KAZN: variants seen among roughly 807,000 people sequenced by gnomAD.
KAZN encodes kazrin, periplakin interacting protein, also known as kazrin.
KAZN carries 40 observed loss-of-function variants against 87.4 expected under a neutral mutation model. The observed-to-expected ratio is 0.46, with a 90% confidence interval of 0.36 to 0.60. The LOEUF is 0.60. KAZN is among the 20% of genes least tolerant of loss of function. The pLI, the probability that KAZN is intolerant of heterozygous loss-of-function variation, is 0.00. For missense variants in KAZN, 898 were observed against 1,073.9 expected, an observed-to-expected ratio of 0.84 and a Z score of 2.29; for synonymous variants, 466 against 458.3, an observed-to-expected ratio of 1.02 and a Z score of -0.22.
chr1:14,647,598 C>A (rs1200303576), intron 1 of KAZN, among the ~76,000 whole-genome samples: 1 of 152,126 alleles, frequency 6.6e-6, no homozygotes, highest in Non-Finnish European at 1.5e-5. Context: ...GGTAGAGAGC[C>A]TGGGCCCACT....
intron 1 of KAZN, among the ~76,000 whole-genome samples, chr1:14,664,802 C>A (rs367858419): frequency 6.6e-6 from 1 of 151,816 alleles, no homozygotes; most frequent in Admixed American, 6.6e-5. Flanking sequence ...TACAGGTACC[C>A]ACCACCACGC....
At chr1:14,404,458 T>C (rs1482468299) in intron 2 of KAZN, among the ~76,000 whole-genome samples, 1 of 152,138 alleles carries the variant, frequency 6.6e-6, no homozygotes, top group Non-Finnish European at 1.5e-5. Context: ...TTTCTTTCTA[T>C]CTCCCGTATC....
At chr1:14,293,511 A>G (rs1386859246) in intron 2 of KAZN, among the ~76,000 whole-genome samples, 2 of 152,180 alleles carry the variant, frequency 1.3e-5, no homozygotes, top group Admixed American at 1.3e-4. Flanking sequence ...ATGTCCCAAC[A>G]GGATCACGAC....
intron 1 of KAZN, among the ~76,000 whole-genome samples, chr1:14,131,407 C>T (rs917819462): frequency 5.9e-5 from 9 of 152,062 alleles, no homozygotes; most frequent in African/African-American, 1.4e-4. Context: ...TTAGTCAATC[C>T]GATACGTTAG....
At chr1:14,246,444 A>G (rs1571129909) in intron 2 of KAZN, among the ~76,000 whole-genome samples, 1 of 152,242 alleles carries the variant, frequency 6.6e-6, no homozygotes, top group Non-Finnish European at 1.5e-5. Context: ...TATTAAAAAC[A>G]TATTACCATA....
chr1:14,954,416 T>C (rs1421470972), intron 1 of KAZN, among the ~76,000 whole-genome samples: 1 of 152,244 alleles, frequency 6.6e-6, no homozygotes, highest in Non-Finnish European at 1.5e-5. Flanking sequence ...CCTTCCTCAG[T>C]AGCTGTCTTG....
intron 2 of KAZN, among the ~76,000 whole-genome samples, chr1:14,489,285 CTA>C (rs1391993588): frequency 6.6e-6 from 1 of 152,162 alleles, no homozygotes; most frequent in South Asian, 2.1e-4. Flanking sequence ...TTATACACAT[CTA>C]TATAAGTTCT....
intron 13 of KAZN, among the ~76,000 whole-genome samples, chr1:15,107,912 T>C (rs777656510): frequency 1.1e-4 from 16 of 152,270 alleles, no homozygotes; most frequent in South Asian, 2.1e-4. Flanking sequence ...GTGAGGCAAA[T>C]TGTATGCAGC....
intron 1 of KAZN, among the ~76,000 whole-genome samples, chr1:14,014,009 G>T (rs375535301): frequency 6.6e-6 from 1 of 152,176 alleles, no homozygotes; most frequent in Admixed American, 6.5e-5. Context: ...AGGAACGGGT[G>T]TTGCTTGTCC....
At chr1:14,913,920 CTG>C (rs1400321946) in intron 1 of KAZN, among the ~76,000 whole-genome samples, 3 of 152,230 alleles carry the variant, frequency 2.0e-5, no homozygotes, top group Non-Finnish European at 4.4e-5. Context: ...CATTTGGACT[CTG>C]GGTGCAGAAG....
chr1:15,040,579 A>T (rs950802439), intron 3 of KAZN, among the ~76,000 whole-genome samples: 2 of 152,172 alleles, frequency 1.3e-5, no homozygotes, highest in Non-Finnish European at 2.9e-5. Flanking sequence ...CAGCCTGGCC[A>T]ACATGACAAA....
chr1:14,871,908 G>T (rs1652184527), intron 1 of KAZN, among the ~76,000 whole-genome samples: 1 of 151,984 alleles, frequency 6.6e-6, no homozygotes, highest in South Asian at 2.1e-4. Flanking sequence ...TAGAGGGGGT[G>T]GGCCAGGAGG....
chr1:13,938,812 C>G (rs1009590002), intron 1 of KAZN, among the ~76,000 whole-genome samples: 12 of 152,244 alleles, frequency 7.9e-5, no homozygotes, highest in South Asian at 2.1e-4. Flanking sequence ...CTCTGTGTGC[C>G]TGCAGGCTTA....
intron 1 of KAZN, among the ~76,000 whole-genome samples, chr1:14,065,741 A>G (rs1286871151): frequency 1.3e-5 from 2 of 152,156 alleles, no homozygotes; most frequent in Admixed American, 6.5e-5. Context: ...CTCCGTGTGC[A>G]TCTTTGTTGT....
intron 1 of KAZN, among the ~76,000 whole-genome samples, chr1:14,826,698 G>A (rs185228557): frequency 2.0e-5 from 3 of 152,020 alleles, no homozygotes; most frequent in South Asian, 2.1e-4. Context: ...TTTTCATCTC[G>A]GTTTTTACAG....
chr1:14,819,708 T>A (rs1277891530), intron 1 of KAZN, among the ~76,000 whole-genome samples: 4 of 138,766 alleles, frequency 2.9e-5, no homozygotes, highest in Admixed American at 7.0e-5. Context: ...AAAAAAATCT[T>A]TTTTTTTTTT....
chr1:14,075,396 G>A (rs1206270485), intron 1 of KAZN, among the ~76,000 whole-genome samples: 8 of 152,016 alleles, frequency 5.3e-5, no homozygotes, highest in South Asian at 2.1e-4. Context: ...CACCTTTGTC[G>A]CAAGAGAAGA....
chr1:14,634,897 G>C (rs552287340), intron 1 of KAZN, among the ~76,000 whole-genome samples: 1 of 152,276 alleles, frequency 6.6e-6, no homozygotes, highest in Admixed American at 6.5e-5. Context: ...AACATGTCTC[G>C]GAGGTAAATG....
chr1:14,531,394 T>C (rs1672200974), intron 2 of KAZN, among the ~76,000 whole-genome samples: 1 of 152,186 alleles, frequency 6.6e-6, no homozygotes, highest in Non-Finnish European at 1.5e-5. Flanking sequence ...TCTATGCAGA[T>C]TGATCACTGT....
Sources: allele counts gnomAD v4.1 joint callset (sites outside exome capture counted in the v4.1 genomes callset), GRCh38; gene constraint gnomAD v4.1.1; transcripts MANE v1.5; gene names NCBI Gene and HGNC (gene_info 2026-07-23, HGNC 2026-07-21).